The following PLCB1 variants were observed in gnomAD, a reference collection of about 807,000 sequenced individuals.
The protein encoded by PLCB1 is 1-phosphatidylinositol 4,5-bisphosphate phosphodiesterase beta-1.
A neutral mutation model predicts 161.8 loss-of-function variants in PLCB1; 46 were observed. The observed-to-expected ratio is 0.28, with a 90% CI of 0.22 to 0.36. The LOEUF is 0.36. Among genes scored for constraint, PLCB1 ranks in the 10% least tolerant of loss-of-function variants. The probability of loss-of-function intolerance (pLI) is 1.00; values close to 1 mark genes in which losing one functional copy is unlikely to be tolerated. For missense variants in PLCB1, 1,016 were observed against 1,472.5 expected (o/e 0.69, Z 5.07); for synonymous variants, 517 against 503.7 (o/e 1.03, Z -0.35).
chr20:8,574,693 A>G (rs547069722), intron 3 of PLCB1, among the ~76,000 whole-genome samples: 2 of 147,536 alleles, frequency 1.4e-5, no homozygotes, highest in African/African-American at 5.4e-5. Flanking sequence ...ACTGGGAGGC[A>G]TGATCAAATA....
At chr20:8,773,811 T>C (rs760363663) in intron 26 of PLCB1, among the ~76,000 whole-genome samples, 3 of 152,052 alleles carry the variant, frequency 2.0e-5, no homozygotes, top group Non-Finnish European at 4.4e-5. Flanking sequence ...TCATCTCTAA[T>C]AAAAATACAA....
At chr20:8,520,112 T>G (rs564456083) in intron 3 of PLCB1, among the ~76,000 whole-genome samples, 1 of 152,300 alleles carries the variant, frequency 6.6e-6, no homozygotes, top group African/African-American at 2.4e-5. Context: ...GAAAAGTCCC[T>G]TTAGGGGCCA....
At chr20:8,204,178 C>T (rs936014327) in intron 2 of PLCB1, among the ~76,000 whole-genome samples, 2 of 152,006 alleles carry the variant, frequency 1.3e-5, no homozygotes, top group African/African-American at 4.8e-5. Context: ...TAATTGAATA[C>T]GTAGTCCGGT....
intron 2 of PLCB1, among the ~76,000 whole-genome samples, chr20:8,340,983 A>T (rs1225016208): frequency 1.3e-5 from 2 of 152,120 alleles, no homozygotes; most frequent in African/African-American, 4.8e-5. Context: ...TTCAGGCAAG[A>T]TGCCCATGAA....
chr20:8,760,258 G>T, intron 24 of PLCB1, 149 bp from the exon 25 acceptor site: 2 of 582,412 alleles, frequency 3.4e-6, no homozygotes, highest in South Asian at 2.4e-5. Context: ...GACTTTTTAA[G>T]AATAATTTTT....
chr20:8,709,374 T>A (rs1224502240), intron 12 of PLCB1, among the ~76,000 whole-genome samples: 1 of 152,230 alleles, frequency 6.6e-6, no homozygotes. Context: ...CACATTTATA[T>A]CTAATAGATG....
At chr20:8,552,925 A>C (rs1234213937) in intron 3 of PLCB1, among the ~76,000 whole-genome samples, 2 of 152,060 alleles carry the variant, frequency 1.3e-5, no homozygotes, top group South Asian at 2.1e-4. Context: ...CACCTCAGGG[A>C]GTTATTGAGA....
intron 31 of PLCB1, chr20:8,831,422 T>C (rs990375889): frequency 2.0e-5 from 3 of 152,364 alleles, no homozygotes; most frequent in African/African-American, 7.2e-5. Context: ...GGATCTAAGT[T>C]TGTCTTACAT....
In PLCB1 at chr20:8,801,988, A is replaced by T. The variant is rs1984302935; in HGVS notation, c.3423+11727A>T. ...GAGACGTCCCAGACAAATAATTGGA[A>T]ACACCAGATGACTTAGAAATCAATT... is the stretch of plus-strand genomic sequence containing the variant. On this transcript the variant is annotated intron_variant, in intron 31 of 31. Coordinates refer to ENST00000338037, the MANE Select transcript of PLCB1 (RefSeq NM_015192.4). 3.2e-6 allele frequency: 3 copies of T among 935,918 alleles called. No homozygotes were observed. In the Admixed American group the frequency reaches 5.2e-5, roughly 16 times the overall value. The allele number at this position is 935,918 out of a possible 1,614,324, so 58.0% of individuals were successfully genotyped here. A position where few individuals can be genotyped will look rare whatever the true frequency, so the allele number is the denominator to read the frequency against.
At chr20:8,391,820 T>TAC (rs1206909179) in intron 3 of PLCB1, among the ~76,000 whole-genome samples, 3 of 111,870 alleles carry the variant, frequency 2.7e-5, no homozygotes, top group African/African-American at 1.0e-4. Context: ...TATATATATA[T>TAC]ATATACACAC....
chr20:8,518,709 A>G (rs1192213897), intron 3 of PLCB1, among the ~76,000 whole-genome samples: 1 of 152,132 alleles, frequency 6.6e-6, no homozygotes, highest in African/African-American at 2.4e-5. Flanking sequence ...TGATGGTTTC[A>G]GGATGATTCG....
chr20:8,258,822 G>T (rs1363331578), intron 2 of PLCB1, among the ~76,000 whole-genome samples: 3 of 151,676 alleles, frequency 2.0e-5, no homozygotes, highest in Non-Finnish European at 4.4e-5. Context: ...AGTATACTTT[G>T]CACAGAGTAA....
At chr20:8,537,076 C>T (rs989939674) in intron 3 of PLCB1, among the ~76,000 whole-genome samples, 1 of 152,140 alleles carries the variant, frequency 6.6e-6, no homozygotes, top group Non-Finnish European at 1.5e-5. Context: ...TCTGCAGCAA[C>T]CTCAATTCTT....
intron 23 of PLCB1, among the ~76,000 whole-genome samples, chr20:8,743,950 C>T (rs899933101): frequency 6.6e-6 from 1 of 151,968 alleles, no homozygotes; most frequent in African/African-American, 2.4e-5. Flanking sequence ...CTTTTTCCTG[C>T]TTTACTTAAT....
At chr20:8,231,632 T>C (rs1018460365) in intron 2 of PLCB1, among the ~76,000 whole-genome samples, 1 of 152,178 alleles carries the variant, frequency 6.6e-6, no homozygotes, top group Admixed American at 6.6e-5. Context: ...TTCTTCTTTC[T>C]TTTATTCTGC....
chr20:8,629,963 CTTCT>C (rs201039269), intron 4 of PLCB1, among the ~76,000 whole-genome samples: 7,490 of 110,912 alleles, frequency 0.068, 304 homozygotes, highest in South Asian at 0.11. Context: ...TTCTTTCTTT[CTTCT>C]TTCTTTCTTT....
chr20:8,349,352 A>T (rs183489677), intron 2 of PLCB1, among the ~76,000 whole-genome samples: 22 of 152,212 alleles, frequency 1.4e-4, no homozygotes, highest in African/African-American at 5.1e-4. Flanking sequence ...GTCACAATTC[A>T]ATATAAAGGG....
At chr20:8,418,474 A>C (rs1366182261) in intron 3 of PLCB1, among the ~76,000 whole-genome samples, 1 of 152,110 alleles carries the variant, frequency 6.6e-6, no homozygotes, top group African/African-American at 2.4e-5. Context: ...ATTATACATA[A>C]ATTTTTATTT....
intron 3 of PLCB1, among the ~76,000 whole-genome samples, chr20:8,387,977 T>TAAAA (rs1555802977): frequency 5.4e-4 from 69 of 126,774 alleles, no homozygotes; most frequent in African/African-American, 1.9e-3. Context: ...CCACTTTTTT[T>TAAAA]AAAAAAAAAA....
Sources: gnomAD v4.1 joint callset for allele counts (sites outside exome capture counted in the v4.1 genomes callset) on GRCh38, gnomAD v4.1.1 for gene constraint, MANE v1.5 for transcripts, NCBI Gene and HGNC (gene_info 2026-07-23, HGNC 2026-07-21) for gene names.